Variants in COL22A1 observed in about 807,000 individuals in gnomAD.
The protein encoded by COL22A1 is collagen alpha-1(XXII) chain.
COL22A1 carries 221 observed loss-of-function variants against 248.9 expected under a neutral mutation model. The observed-to-expected ratio is 0.89, with a 90% CI of 0.80 to 0.99. The LOEUF (loss-of-function observed/expected upper bound fraction) is 0.99. Ranked by LOEUF, COL22A1 falls within the 50% of genes least tolerant of loss-of-function variation. The pLI is 0.00. For synonymous variants in COL22A1, 891 were observed against 793.4 expected (o/e 1.12, Z -2.07); for missense variants, 2,240 against 2,179.0 (o/e 1.03, Z -0.56).
At chr8:138,620,470 C>G (rs1366905382) in intron 52 of COL22A1, 1 of 151,602 alleles carries the variant, frequency 6.6e-6, no homozygotes, top group African/African-American at 2.4e-5. Context: ...CCAGGTTTGT[C>G]TGTTTCTTAG....
At chr8:138,859,908 C>T (rs948977267) in intron 3 of COL22A1, among the ~76,000 whole-genome samples, 1 of 152,204 alleles carries the variant, frequency 6.6e-6, no homozygotes, top group African/African-American at 2.4e-5. Flanking sequence ...AGGCTTTCAC[C>T]TTCAGCTCCT....
intron 41 of COL22A1, among the ~76,000 whole-genome samples, chr8:138,672,358 T>C (rs777643826): frequency 1.3e-5 from 2 of 152,244 alleles, no homozygotes; most frequent in Non-Finnish European, 2.9e-5. Context: ...TTGGCTGTGG[T>C]TGCCATTACT....
chr8:138,717,154 T>G (rs1829505316), intron 27 of COL22A1, among the ~76,000 whole-genome samples: 1 of 152,124 alleles, frequency 6.6e-6, no homozygotes, highest in African/African-American at 2.4e-5. Flanking sequence ...TTTTTTATTT[T>G]TTATTTTTTT....
At chr8:138,692,462 CATGTGTGTGTGT>C (rs1344595140) in intron 35 of COL22A1, among the ~76,000 whole-genome samples, 5 of 46,272 alleles carry the variant, frequency 1.1e-4, no homozygotes, top group African/African-American at 4.1e-4. Context: ...TGTGTGAGTG[CATGTGTGTGTGT>C]GTGTGTGTGT....
intron 41 of COL22A1, among the ~76,000 whole-genome samples, chr8:138,668,324 T>C (rs1824687355): frequency 6.6e-6 from 1 of 152,182 alleles, no homozygotes; most frequent in Non-Finnish European, 1.5e-5. Flanking sequence ...GTTGTGGCTA[T>C]ATGGGTGTTT....
At chr8:138,670,572 G>C (rs1226203460) in intron 41 of COL22A1, among the ~76,000 whole-genome samples, 1 of 151,982 alleles carries the variant, frequency 6.6e-6, no homozygotes, top group Non-Finnish European at 1.5e-5. Flanking sequence ...AAAGGAACTG[G>C]ACTAAAGCAG....
chr8:138,795,028 A>C (rs1220763793), intron 12 of COL22A1, among the ~76,000 whole-genome samples: 2 of 152,078 alleles, frequency 1.3e-5, no homozygotes, highest in Non-Finnish European at 2.9e-5. Flanking sequence ...TGCACACTTA[A>C]AAGTTTGTTA....
At chr8:138,731,023 T>C (rs1563680494) in intron 23 of COL22A1, among the ~76,000 whole-genome samples, 1 of 152,122 alleles carries the variant, frequency 6.6e-6, no homozygotes, top group Non-Finnish European at 1.5e-5. Context: ...ATTTCTAGGC[T>C]GGGCGCATTG....
intron 45 of COL22A1, among the ~76,000 whole-genome samples, chr8:138,655,139 C>T (rs1823121422): frequency 6.6e-6 from 1 of 152,200 alleles, no homozygotes; most frequent in African/African-American, 2.4e-5. Context: ...GTATCTCAGG[C>T]TTCTTATATG....
chr8:138,700,296 T>C, intron 31 of COL22A1, 152 bp from the exon 32 acceptor site: 4 of 739,760 alleles, frequency 5.4e-6, no homozygotes, highest in Non-Finnish European at 9.1e-6. Flanking sequence ...GATTCACATC[T>C]TTCTTTAAAA....
intron 27 of COL22A1, among the ~76,000 whole-genome samples, chr8:138,718,256 G>C (rs903317767): frequency 6.6e-6 from 1 of 152,224 alleles, no homozygotes; most frequent in Non-Finnish European, 1.5e-5. Flanking sequence ...AATTCCCAAT[G>C]TTTACAAGCA....
At chr8:138,668,474 T>C (rs1046830351) in intron 41 of COL22A1, among the ~76,000 whole-genome samples, 1 of 152,210 alleles carries the variant, frequency 6.6e-6, no homozygotes, top group Non-Finnish European at 1.5e-5. Flanking sequence ...AGCCATGCTA[T>C]TGGTGTTTTC....
intron 31 of COL22A1, 121 bp from the exon 32 acceptor site, chr8:138,700,265 G>T (rs147670444): frequency 1.6e-5 from 14 of 868,458 alleles, no homozygotes; most frequent in Middle Eastern, 4.3e-4. Flanking sequence ...TTCCTGGAAC[G>T]ATTATTAGTT....
chr8:138,842,234 CAT>C (rs1332560014), intron 4 of COL22A1, among the ~76,000 whole-genome samples: 1 of 152,216 alleles, frequency 6.6e-6, no homozygotes, highest in African/African-American at 2.4e-5. Flanking sequence ...GAGTGCATCT[CAT>C]GTGCTGTGAG....
chr8:138,803,528 AT>A (rs1181452287), intron 10 of COL22A1, among the ~76,000 whole-genome samples: 1 of 152,130 alleles, frequency 6.6e-6, no homozygotes, highest in Non-Finnish European at 1.5e-5. Context: ...TAATAAAAAA[AT>A]AAAATAAAAT....
Position 138,883,863 on chromosome 8 carries a change from C to A in COL22A1, c.-72-619G>T, listed in dbSNP as rs182882407. On this transcript the variant is annotated intron_variant, in intron 1 of 64. Coordinates refer to ENST00000303045, the MANE Select transcript of COL22A1 (RefSeq NM_152888.3). ...AAATTACCATCTTGGGCAATTCTTT[C>A]TAGCAGCATGAAAATGGACTAATAC... Among the ~76,000 whole-genome samples, 12 of 152,288 alleles carry A rather than the reference C, an allele frequency of 7.9e-5. No homozygotes were observed. The East Asian group carries it at 2.3e-3, about 29-fold the overall frequency.
chr8:138,713,397 T>C (rs13259719), intron 30 of COL22A1, among the ~76,000 whole-genome samples: 119,036 of 152,078 alleles, frequency 0.78, 47,454 homozygotes, highest in Non-Finnish European at 0.86. Context: ...TTCATTGTTA[T>C]GAAGATCACC....
At chr8:138,661,652 T>C (rs1021804566) in intron 43 of COL22A1, among the ~76,000 whole-genome samples, 1 of 152,040 alleles carries the variant, frequency 6.6e-6, no homozygotes, top group African/African-American at 2.4e-5. Context: ...CGGAATTCCA[T>C]GGAAAAGAGA....
At chr8:138,590,279 G>A (rs1290259124) in intron 64 of COL22A1, among the ~76,000 whole-genome samples, 2 of 152,154 alleles carry the variant, frequency 1.3e-5, no homozygotes, top group African/African-American at 4.8e-5. Flanking sequence ...AAAAAGATCT[G>A]TAGATATTTC....
Sources: gnomAD v4.1 joint callset for allele counts (sites outside exome capture counted in the v4.1 genomes callset) on GRCh38, gnomAD v4.1.1 for gene constraint, MANE v1.5 for transcripts, NCBI Gene and HGNC (gene_info 2026-07-23, HGNC 2026-07-21) for gene names.